Variants in DLG1 observed in about 807,000 individuals in gnomAD.
DLG1 encodes disks large homolog 1.
A neutral mutation model predicts 123.4 loss-of-function variants in DLG1; 42 were observed. The ratio of observed to expected loss-of-function variants is 0.34; its 90% confidence interval spans 0.27 to 0.44. The LOEUF (loss-of-function observed/expected upper bound fraction) is 0.44. Among genes scored for constraint, DLG1 ranks in the 20% least tolerant of loss-of-function variants. The pLI, the probability that DLG1 is intolerant of heterozygous loss-of-function variation, is 1.00. For missense variants in DLG1, 942 were observed against 1,082.6 expected (o/e 0.87, Z 1.82); for synonymous variants, 317 against 356.2 (o/e 0.89, Z 1.24).
Position 197,189,465 on chromosome 3 carries a change from A to G in DLG1, c.483+4960T>C, listed in dbSNP as rs538856177. Reference sequence around the variant, plus strand: ...AAACAAATGATAGAGAATACACACAATTTTTTTCTGCTGGGATTGAAAATC... The same window carrying G: ...AAACAAATGATAGAGAATACACACAGTTTTTTTCTGCTGGGATTGAAAATC... On this transcript the variant is annotated intron_variant, in intron 5 of 24. Transcript: ENST00000667157. Among the ~76,000 whole-genome samples, 8 of 152,284 alleles carry G rather than the reference A, an allele frequency of 5.3e-5. No individual in the cohort carries two copies. In the East Asian group the frequency reaches 1.2e-3, roughly 22 times the overall value.
At chr3:197,101,340 G>A (rs916421662) in intron 14 of DLG1, among the ~76,000 whole-genome samples, 5 of 151,990 alleles carry the variant, frequency 3.3e-5, no homozygotes, top group African/African-American at 4.8e-5. Flanking sequence ...AACATGGTTC[G>A]TATCATGCAT....
intron 4 of DLG1, among the ~76,000 whole-genome samples, chr3:197,267,821 G>A (rs1762341424): frequency 6.6e-6 from 1 of 151,650 alleles, no homozygotes; most frequent in Non-Finnish European, 1.5e-5. Context: ...TATTACTTTG[G>A]GTCCTACTGA....
At chr3:197,135,529 T>C (rs942616822) in intron 10 of DLG1, among the ~76,000 whole-genome samples, 82 of 152,296 alleles carry the variant, frequency 5.4e-4, no homozygotes, top group African/African-American at 1.9e-3. Flanking sequence ...CTTTCCTTTA[T>C]AAATTACCCA....
intron 5 of DLG1, among the ~76,000 whole-genome samples, chr3:197,152,236 G>A (rs1794231500): frequency 6.6e-6 from 1 of 152,060 alleles, no homozygotes; most frequent in South Asian, 2.1e-4. Context: ...GGTAGAGGGA[G>A]GTATAGAGAG....
intron 4 of DLG1, among the ~76,000 whole-genome samples, chr3:197,228,475 A>G (rs1397018672): frequency 1.3e-5 from 2 of 152,244 alleles, no homozygotes; most frequent in African/African-American, 2.4e-5. Flanking sequence ...ATATTGTGCT[A>G]TGATCATTTT....
chr3:197,120,209 C>T (rs372534214), intron 11 of DLG1, among the ~76,000 whole-genome samples: 88 of 149,764 alleles, frequency 5.9e-4, no homozygotes, highest in South Asian at 5.5e-3. Flanking sequence ...TGCAGTGAGC[C>T]GAGATCGCAT....
chr3:197,171,354 T>G (rs774113013), intron 5 of DLG1, among the ~76,000 whole-genome samples: 3 of 152,204 alleles, frequency 2.0e-5, no homozygotes, highest in Non-Finnish European at 4.4e-5. Flanking sequence ...TGCAAACAGG[T>G]ATCTTTCACA....
chr3:197,209,658 C>T (rs1730336409), intron 4 of DLG1, among the ~76,000 whole-genome samples: 2 of 146,484 alleles, frequency 1.4e-5, no homozygotes, highest in African/African-American at 4.9e-5. Context: ...ATTGAAATCA[C>T]AACCAATCCA....
At chr3:197,265,339 G>A (rs1761210721) in intron 4 of DLG1, among the ~76,000 whole-genome samples, 1 of 152,066 alleles carries the variant, frequency 6.6e-6, no homozygotes, top group Non-Finnish European at 1.5e-5. Context: ...TAAAAAAAAA[G>A]ACTGACTTTC....
chr3:197,114,203 T>C (rs189062113), intron 13 of DLG1, among the ~76,000 whole-genome samples: 3 of 152,126 alleles, frequency 2.0e-5, no homozygotes, highest in Admixed American at 1.3e-4. Context: ...ATGAGAGAAG[T>C]TTTTAGAATT....
At chr3:197,068,910 C>G (rs555680783) in intron 19 of DLG1, among the ~76,000 whole-genome samples, 10 of 152,160 alleles carry the variant, frequency 6.6e-5, no homozygotes, top group South Asian at 4.1e-4. Context: ...AATTACTAAA[C>G]AGAAGGTCAA....
At chr3:197,289,579 GA>G (rs1342972642) in intron 3 of DLG1, among the ~76,000 whole-genome samples, 1 of 152,004 alleles carries the variant, frequency 6.6e-6, no homozygotes, top group Non-Finnish European at 1.5e-5. Flanking sequence ...CATTTCAGAG[GA>G]AAAAAATTCT....
chr3:197,077,422 C>T (rs1748004345), intron 17 of DLG1, among the ~76,000 whole-genome samples: 1 of 151,992 alleles, frequency 6.6e-6, no homozygotes, highest in South Asian at 2.1e-4. Context: ...AACGTGAATG[C>T]TTCAGTACTG....
chr3:197,253,188 C>T (rs960823114), intron 4 of DLG1, among the ~76,000 whole-genome samples: 10 of 152,088 alleles, frequency 6.6e-5, no homozygotes, highest in African/African-American at 2.4e-4. Context: ...GACTAGTACA[C>T]TATAATAGAT....
chr3:197,086,097 C>T (rs1406419112), intron 15 of DLG1, among the ~76,000 whole-genome samples: 3 of 152,088 alleles, frequency 2.0e-5, no homozygotes, highest in African/African-American at 7.2e-5. Context: ...AAGATACATT[C>T]TTCTCTTTAC....
intron 4 of DLG1, among the ~76,000 whole-genome samples, chr3:197,216,883 T>C (rs1274984156): frequency 6.6e-6 from 1 of 152,168 alleles, no homozygotes; most frequent in Non-Finnish European, 1.5e-5. Flanking sequence ...CAGAGAGATA[T>C]TTTACAACTA....
chr3:197,146,130 C>T (rs1472067630), intron 6 of DLG1, among the ~76,000 whole-genome samples: 1 of 151,920 alleles, frequency 6.6e-6, no homozygotes, highest in African/African-American at 2.4e-5. Context: ...AAGAAAACTA[C>T]AAAACACTGC....
At chr3:197,063,976 T>A (rs1049467445) in intron 22 of DLG1, among the ~76,000 whole-genome samples, 39 of 150,428 alleles carry the variant, frequency 2.6e-4, no homozygotes, top group African/African-American at 6.4e-4. Flanking sequence ...TTGCTCAGGC[T>A]GGAGTGCAGT....
intron 4 of DLG1, among the ~76,000 whole-genome samples, chr3:197,198,133 CA>C (rs768294391): frequency 0.14 from 15,328 of 107,570 alleles, 1,003 homozygotes; most frequent in Non-Finnish European, 0.19. Context: ...CAAAACAAAA[CA>C]AAACAAAACA....
Sources: allele counts gnomAD v4.1 joint callset (sites outside exome capture counted in the v4.1 genomes callset), GRCh38; gene constraint gnomAD v4.1.1; transcripts MANE v1.5; gene names NCBI Gene and HGNC (gene_info 2026-07-23, HGNC 2026-07-21).